PTBP3: variants seen among roughly 807,000 people sequenced by gnomAD.
PTBP3 encodes the protein polypyrimidine tract-binding protein 3.
A neutral mutation model predicts 58.7 loss-of-function variants in PTBP3; 20 were observed. The ratio of observed to expected loss-of-function variants is 0.34; its 90% CI spans 0.24 to 0.50. PTBP3 has a LOEUF of 0.50. PTBP3 is among the 20% of genes least tolerant of loss of function. The pLI is 0.98. For missense variants in PTBP3, 509 were observed against 637.2 expected (o/e 0.80, Z 2.17); for synonymous variants, 185 against 219.8 (o/e 0.84, Z 1.40).
At chr9:112,374,605 G>A in the PTBP3 span, among the ~76,000 whole-genome samples, 6 of 152,190 alleles carry the variant, frequency 3.9e-5, no homozygotes, top group Non-Finnish European at 8.8e-5. Context: ...CAATCCAGCT[G>A]CTTCAAGATG....
intron 1 of PTBP3, among the ~76,000 whole-genome samples, chr9:112,307,014 A>G (rs1376952219): frequency 6.6e-6 from 1 of 152,230 alleles, no homozygotes. Context: ...TTCTACTTCA[A>G]TTCTATTTCA....
intron 2 of PTBP3, among the ~76,000 whole-genome samples, chr9:112,289,014 C>G (rs1372081325): frequency 1.3e-5 from 2 of 152,180 alleles, no homozygotes; most frequent in African/African-American, 4.8e-5. Context: ...TCTACGTAAA[C>G]CCACCTATTT....
At chr9:112,277,373 C>T (rs908017547) in intron 2 of PTBP3, among the ~76,000 whole-genome samples, 1 of 152,162 alleles carries the variant, frequency 6.6e-6, no homozygotes, top group Non-Finnish European at 1.5e-5. Context: ...ATCTCCTCCT[C>T]TCCCTTATCA....
intron 1 of PTBP3, among the ~76,000 whole-genome samples, chr9:112,320,170 C>T (rs966370830): frequency 1.3e-5 from 2 of 150,942 alleles, no homozygotes; most frequent in African/African-American, 4.9e-5. Context: ...CCTAGCTACT[C>T]AGGAGGCTGA....
At chr9:112,271,990 T>C (rs1358864499) in intron 3 of PTBP3, among the ~76,000 whole-genome samples, 5 of 152,170 alleles carry the variant, frequency 3.3e-5, no homozygotes, top group Admixed American at 2.6e-4. Context: ...TATTTTATAG[T>C]ATACATAGTT....
chr9:112,297,876 C>A lies in PTBP3; in HGVS notation c.-11G>T. The A allele has an allele frequency of 6.2e-7, 1 of 1,612,180 alleles. No homozygotes were observed. Among genetic ancestry groups the A allele is most frequent in the Admixed American group, 1.7e-5 (1 of 59,816 alleles). On this transcript the variant is annotated 5_prime_UTR_variant, in exon 2 of 14. Coordinates refer to ENST00000374257, the MANE Select transcript of PTBP3 (RefSeq NM_001163788.4). ...AGTAGAACTATTCATGGTAAAAGGT[C>A]CGTTAATGATGCCAGAAGAAAGAAG...
At chr9:112,232,379 T>C in intron 8 of PTBP3, 141 bp from the exon 9 acceptor site, 1 of 815,200 alleles carries the variant, frequency 1.2e-6, no homozygotes, top group African/African-American at 1.7e-5. Context: ...TGAAGGCCAG[T>C]TTTCTGCCCT....
At chr9:112,228,505 C>G in intron 10 of PTBP3, 33 bp from the exon 11 acceptor site, 1 of 1,397,646 alleles carries the variant, frequency 7.2e-7, no homozygotes, top group Non-Finnish European at 9.9e-7. Flanking sequence ...CTGTGTTTAA[C>G]GTCTGATTGT....
rs542824851 is a variant in PTBP3 at position 112,291,218 on chromosome 9, GTC to G, written c.34+6612_34+6613del. Among the ~76,000 whole-genome samples, 24 of 130,508 alleles carry G rather than the reference GTC, an allele frequency of 1.8e-4. No individual in the cohort carries two copies. In the East Asian group the frequency reaches 4.8e-3, roughly 26 times the overall value. 85.6% of individuals were successfully genotyped at this position (130,508 alleles called of 152,430 possible). On this transcript the variant is annotated intron_variant, in intron 2 of 13. Coordinates refer to ENST00000374257, the MANE Select transcript of PTBP3 (RefSeq NM_001163788.4). ...GACTGGGCAACAAGAGCACAATTCT[GTC>G]TCTGTCTCCAAAAAAAAAAGAAAAC...
At chr9:112,367,944 T>G in the PTBP3 span, among the ~76,000 whole-genome samples, 1 of 152,186 alleles carries the variant, frequency 6.6e-6, no homozygotes, top group Non-Finnish European at 1.5e-5. Context: ...GTTTGTTTGA[T>G]GATATCCCAT....
At chr9:112,309,560 C>T (rs544183554) in intron 1 of PTBP3, among the ~76,000 whole-genome samples, 2 of 152,130 alleles carry the variant, frequency 1.3e-5, no homozygotes, top group South Asian at 2.1e-4. Flanking sequence ...CCAAGGCGGG[C>T]GGACTGCCTG....
the PTBP3 span, among the ~76,000 whole-genome samples, chr9:112,351,301 C>T: frequency 6.6e-6 from 1 of 152,138 alleles, no homozygotes; most frequent in African/African-American, 2.4e-5. Flanking sequence ...TATGGAATGT[C>T]CTTCAAGTGG....
the PTBP3 span, among the ~76,000 whole-genome samples, chr9:112,355,469 T>G: frequency 6.6e-6 from 1 of 152,176 alleles, no homozygotes; most frequent in African/African-American, 2.4e-5. Context: ...CAAATGTATT[T>G]CTCATGCAAA....
At chr9:112,238,856 C>T (rs1835534986) in intron 7 of PTBP3, among the ~76,000 whole-genome samples, 1 of 151,964 alleles carries the variant, frequency 6.6e-6, no homozygotes, top group South Asian at 2.1e-4. Context: ...TATTTTGGGG[C>T]AAATAAAAAC....
At chr9:112,308,093 C>G (rs1829308669) in intron 1 of PTBP3, among the ~76,000 whole-genome samples, 1 of 152,176 alleles carries the variant, frequency 6.6e-6, no homozygotes, top group Non-Finnish European at 1.5e-5. Context: ...CTCCATCACC[C>G]AGGATGGAGT....
chr9:112,267,366 A>G (rs1836846675), intron 4 of PTBP3, among the ~76,000 whole-genome samples: 1 of 151,892 alleles, frequency 6.6e-6, no homozygotes, highest in Admixed American at 6.6e-5. Context: ...ACGGGGTTTC[A>G]CTGTGTTAGC....
At position 112,221,674 on chromosome 9, in the gene PTBP3, T is replaced by C; in HGVS notation, c.*2177A>G. 1 of 985,254 alleles carries C rather than the reference T, an allele frequency of 1.0e-6. No homozygotes were observed. The highest frequency in any genetic ancestry group is 1.2e-6 in the Non-Finnish European group (1 of 829,790). The allele number at this position is 985,254 out of a possible 1,614,324, so 61.0% of individuals were successfully genotyped here. A position where few individuals can be genotyped will look rare whatever the true frequency, so the allele number is the denominator to read the frequency against. ...AAAACTAAAAACTCCCACAACTACA[T>C]ACATGAGTATATCTATCTATTCAGC... On this transcript the variant is annotated 3_prime_UTR_variant, in exon 14 of 14. Transcript: ENST00000374257.
intron 1 of PTBP3, among the ~76,000 whole-genome samples, chr9:112,313,379 T>C (rs1829566654): frequency 1.3e-5 from 2 of 152,336 alleles, no homozygotes; most frequent in African/African-American, 4.8e-5. Flanking sequence ...TAATAAGTTA[T>C]TTTTATATTC....
chr9:112,231,974 GAGAAGAGAAGAGA>G (rs1835237648), intron 9 of PTBP3, 112 bp downstream of exon 9: 11 of 383,322 alleles, frequency 2.9e-5, no homozygotes, highest in Admixed American at 7.0e-5. Context: ...GAAGAGAGAA[GAGAAGAGAAGAGA>G]AGAGAAGAGA....
Sources: allele counts gnomAD v4.1 joint callset (sites outside exome capture counted in the v4.1 genomes callset), GRCh38; gene constraint gnomAD v4.1.1; transcripts MANE v1.5; gene names NCBI Gene and HGNC (gene_info 2026-07-23, HGNC 2026-07-21).